The following EPB41 variants were observed in gnomAD, a reference collection of about 807,000 sequenced individuals.
EPB41 encodes protein 4.1.
EPB41 carries 65 observed loss-of-function variants against 108.0 expected under a neutral mutation model. That is an observed-to-expected ratio of 0.60 (90% CI 0.49 to 0.74). The LOEUF is 0.74. Ranked by LOEUF, EPB41 falls within the 30% of genes least tolerant of loss-of-function variation. The probability of loss-of-function intolerance (pLI) is 0.00; values close to 1 mark genes in which losing one functional copy is unlikely to be tolerated. For missense variants in EPB41, 875 were observed against 1,037.0 expected (o/e 0.84, Z 2.15); for synonymous variants, 336 against 358.9 (o/e 0.94, Z 0.72).
intron 10 of EPB41, among the ~76,000 whole-genome samples, chr1:29,037,723 G>T (rs1640029757): frequency 6.6e-6 from 1 of 151,620 alleles, no homozygotes; most frequent in Non-Finnish European, 1.5e-5. Context: ...TTTTAGTAGA[G>T]ACCGGGTTTC....
chr1:28,913,431 C>A (rs548208982), upstream of EPB41, among the ~76,000 whole-genome samples: 1 of 151,644 alleles, frequency 6.6e-6, no homozygotes, highest in African/African-American at 2.4e-5. Context: ...AGCGAGACTC[C>A]GTCTCAAATA....
rs868380468 is a variant in EPB41 at position 28,914,703 on chromosome 1, T to G, written c.-73T>G. The G allele has an allele frequency of 2.6e-5, 4 of 152,238 alleles. No individual in the cohort carries two copies. Among genetic ancestry groups the G allele is most frequent in the African/African-American group, 9.7e-5 (4 of 41,408 alleles). The allele number at this position is 152,238 out of a possible 1,614,324, so 9.4% of individuals were successfully genotyped here. On this transcript the variant is annotated 5_prime_UTR_variant, in exon 1 of 21. Coordinates refer to ENST00000343067, the MANE Select transcript of EPB41 (RefSeq NM_001376013.1). ...GGCCCGAGCCTCGGACGCCGGCGCC[T>G]CCTCCTGCCATTGTTCGTCGGGCTG...
intron 7 of EPB41, among the ~76,000 whole-genome samples, chr1:29,019,133 G>A (rs1220996339): frequency 1.3e-5 from 2 of 152,088 alleles, no homozygotes; most frequent in East Asian, 3.8e-4. Context: ...AAGGTATTGT[G>A]GGCTGACCAC....
In EPB41 at chr1:28,987,723, G is replaced by A. The variant is rs781461033; in HGVS notation, c.286G>A (p.Glu96Lys). 18 of 1,614,190 alleles carry A rather than the reference G, an allele frequency of 1.1e-5. No homozygotes were observed. Among genetic ancestry groups the A allele is most frequent in the East Asian group, 4.5e-5 (2 of 44,886 alleles). ...FLKRPKSQVS[E>K]EEGKEVESDK... ...CAAAAGGCCCAAATCTCAGGTGTCC[G>A]AGGAAGAAGGCAAAGAAGTAGAGTC... The change falls in exon 2 of 21, where the codon GAG (glutamate) becomes AAG (lysine). Residue 96 changes from glutamate to lysine, a missense_variant. Transcript: ENST00000343067.
intron 16 of EPB41, among the ~76,000 whole-genome samples, chr1:29,074,205 A>T (rs1364202010): frequency 3.3e-5 from 5 of 152,216 alleles, no homozygotes; most frequent in Admixed American, 3.3e-4. Flanking sequence ...AATACAGTAA[A>T]GACATACAAA....
intron 11 of EPB41, 50 bp from the exon 12 acceptor site, chr1:29,053,054 A>C: frequency 6.3e-7 from 1 of 1,594,908 alleles, no homozygotes. Context: ...TTGAAATAAT[A>C]CAGTAGCTCT....
At chr1:29,047,690 T>A (rs548389997) in intron 11 of EPB41, among the ~76,000 whole-genome samples, 1 of 152,288 alleles carries the variant, frequency 6.6e-6, no homozygotes, top group East Asian at 1.9e-4. Context: ...AAGTTGTACC[T>A]TTTTGTTTCG....
chr1:28,963,353 G>GTGTA (rs2095273892), intron 1 of EPB41, among the ~76,000 whole-genome samples: 1 of 146,102 alleles, frequency 6.8e-6, no homozygotes, highest in East Asian at 1.9e-4. Flanking sequence ...TCGTGTGTGT[G>GTGTA]TGTGTGTGTG....
chr1:29,048,170 T>G (rs2150628452), intron 11 of EPB41, among the ~76,000 whole-genome samples: 1 of 152,270 alleles, frequency 6.6e-6, no homozygotes, highest in East Asian at 1.9e-4. Context: ...GTTTTGTTGT[T>G]TTTTTCCTAT....
rs531011662 is a variant in EPB41, at chr1:28,923,588, A to G, written c.-8+8820A>G. ...TCTACTTAGCAAGATTTACCCAGTAAGTCTTTTTTTCTCCAGATGCTATTT... is the reference window on the plus strand; with the variant it reads ...TCTACTTAGCAAGATTTACCCAGTAGGTCTTTTTTTCTCCAGATGCTATTT... On this transcript the variant is annotated intron_variant, in intron 1 of 20. Coordinates refer to ENST00000343067, the MANE Select transcript of EPB41 (RefSeq NM_001376013.1). Among the ~76,000 whole-genome samples the G allele has an allele frequency of 6.6e-4, 101 of 152,276 alleles. 1 individual carries two copies. Among genetic ancestry groups the G allele is most frequent in the African/African-American group, 2.4e-3 (99 of 41,546 alleles).
Position 28,982,561 on chromosome 1 carries a change from C to T in EPB41, c.-7-4870C>T, listed in dbSNP as rs994722577. 122 of 1,493,064 alleles carry T rather than the reference C, an allele frequency of 8.2e-5. 1 individual carries two copies. The highest frequency in any genetic ancestry group is 3.0e-4 in the South Asian group (27 of 88,868). The allele number at this position is 1,493,064 out of a possible 1,614,324, so 92.5% of individuals were successfully genotyped here. A position where few individuals can be genotyped will look rare whatever the true frequency, so the allele number is the denominator to read the frequency against. ...GATGACGGCTTTGCATCCAGAGTAG[C>T]GTCCAGCCAGGACAAGCACCACCTT... is the stretch of plus-strand genomic sequence containing the variant. On this transcript the variant is annotated intron_variant, in intron 1 of 20. Coordinates refer to ENST00000343067, the MANE Select transcript of EPB41 (RefSeq NM_001376013.1).
At chr1:29,043,905 A>C (rs1204193070) in intron 11 of EPB41, among the ~76,000 whole-genome samples, 2 of 152,228 alleles carry the variant, frequency 1.3e-5, no homozygotes, top group Non-Finnish European at 2.9e-5. Flanking sequence ...GGCTGACTGA[A>C]TTGCTGACAA....
chr1:28,936,464 G>C (rs1322040422), intron 1 of EPB41, among the ~76,000 whole-genome samples: 1 of 152,146 alleles, frequency 6.6e-6, no homozygotes, highest in Non-Finnish European at 1.5e-5. Flanking sequence ...GTACAATTCA[G>C]TGGTCTTTTA....
intron 16 of EPB41, among the ~76,000 whole-genome samples, chr1:29,093,969 G>A (rs1440339499): frequency 6.6e-6 from 1 of 152,024 alleles, no homozygotes; most frequent in Non-Finnish European, 1.5e-5. Context: ...TGTCTTCCAG[G>A]GTTTTTATTA....
chr1:28,918,037 T>C (rs1336242713), intron 1 of EPB41, among the ~76,000 whole-genome samples: 1 of 152,212 alleles, frequency 6.6e-6, no homozygotes, highest in Admixed American at 6.5e-5. Flanking sequence ...TCAGTGGCCA[T>C]GAGAGGCTGA....
chr1:29,024,018 G>A (rs1424001904), intron 7 of EPB41, among the ~76,000 whole-genome samples: 2 of 151,948 alleles, frequency 1.3e-5, no homozygotes, highest in Non-Finnish European at 2.9e-5. Context: ...AGTATATAGT[G>A]AGAGTTCAAA....
At chr1:28,953,807 T>G (rs1253989436) in intron 1 of EPB41, among the ~76,000 whole-genome samples, 1 of 152,090 alleles carries the variant, frequency 6.6e-6, no homozygotes, top group African/African-American at 2.4e-5. Flanking sequence ...GAAGCCAAGG[T>G]TCTCAAAGTT....
intron 1 of EPB41, among the ~76,000 whole-genome samples, chr1:28,987,082 T>TA (rs772328567): frequency 2.6e-5 from 4 of 152,310 alleles, no homozygotes; most frequent in Middle Eastern, 3.4e-3. Flanking sequence ...CAAAGGACAC[T>TA]AAACCACAGT....
At chr1:28,977,952 T>A (rs1370364611) in intron 1 of EPB41, among the ~76,000 whole-genome samples, 43 of 145,904 alleles carry the variant, frequency 2.9e-4, no homozygotes, top group African/African-American at 9.4e-4. Context: ...TCATTTTATA[T>A]TCTCTTTTTT....
Sources: allele counts gnomAD v4.1 joint callset (sites outside exome capture counted in the v4.1 genomes callset), GRCh38; gene constraint gnomAD v4.1.1; transcripts MANE v1.5; gene names NCBI Gene and HGNC (gene_info 2026-07-23, HGNC 2026-07-21).